ERBB4: variants seen among roughly 807,000 people sequenced by gnomAD.
ERBB4 encodes the protein receptor tyrosine-protein kinase erbB-4.
ERBB4 carries 42 observed loss-of-function variants against 158.0 expected under a neutral mutation model. The observed-to-expected ratio is 0.27, with a 90% CI of 0.21 to 0.34. ERBB4 has a LOEUF of 0.34. Ranked by LOEUF, ERBB4 falls within the 10% of genes least tolerant of loss-of-function variation. The probability of loss-of-function intolerance (pLI) is 1.00; values close to 1 mark genes in which losing one functional copy is unlikely to be tolerated. For synonymous variants in ERBB4, 583 were observed against 558.7 expected (o/e 1.04, Z -0.61); for missense variants, 1,333 against 1,624.1 (o/e 0.82, Z 3.08).
chr2:211,903,873 CACA>C (rs887030429), intron 3 of ERBB4, among the ~76,000 whole-genome samples: 2 of 151,456 alleles, frequency 1.3e-5, no homozygotes, highest in Non-Finnish European at 2.9e-5. Context: ...AGAAAAGAAA[CACA>C]ACTGCTGATA....
intron 1 of ERBB4, among the ~76,000 whole-genome samples, chr2:212,345,455 G>T (rs940478340): frequency 5.9e-5 from 9 of 151,996 alleles, no homozygotes; most frequent in Non-Finnish European, 1.0e-4. Context: ...AACAGATGGA[G>T]AGGTACTAGC....
intron 12 of ERBB4, among the ~76,000 whole-genome samples, chr2:211,701,079 T>C (rs1423545681): frequency 2.0e-5 from 3 of 152,128 alleles, no homozygotes; most frequent in African/African-American, 7.2e-5. Flanking sequence ...AAAAGCATTA[T>C]TTGCTTCAGA....
intron 1 of ERBB4, among the ~76,000 whole-genome samples, chr2:212,511,499 G>C (rs1296081910): frequency 6.6e-6 from 1 of 152,090 alleles, no homozygotes; most frequent in African/African-American, 2.4e-5. Flanking sequence ...TTGTACAACA[G>C]CTTGGTAATT....
chr2:212,031,764 A>G (rs551683271), intron 2 of ERBB4, among the ~76,000 whole-genome samples: 2 of 152,292 alleles, frequency 1.3e-5, no homozygotes, highest in South Asian at 4.1e-4. Context: ...TGTTCTTTAG[A>G]AAAATGATGG....
intron 1 of ERBB4, among the ~76,000 whole-genome samples, chr2:212,373,944 T>A (rs185883519): frequency 0.047 from 3,775 of 80,010 alleles, 405 homozygotes; most frequent in African/African-American, 0.093. Context: ...TATATCCATA[T>A]ATATATCATA....
At chr2:211,749,152 A>C (rs1186137718) in intron 5 of ERBB4, among the ~76,000 whole-genome samples, 2 of 152,190 alleles carry the variant, frequency 1.3e-5, no homozygotes, top group Non-Finnish European at 2.9e-5. Context: ...CTTCGTCCAA[A>C]GAATAGGGAG....
intron 1 of ERBB4, among the ~76,000 whole-genome samples, chr2:212,492,647 T>C (rs73989027): frequency 6.6e-6 from 1 of 151,568 alleles, no homozygotes; most frequent in African/African-American, 2.4e-5. Flanking sequence ...CTAATATGTT[T>C]CAACTATAAA....
intron 2 of ERBB4, among the ~76,000 whole-genome samples, chr2:212,036,948 T>C (rs1462459194): frequency 1.3e-5 from 2 of 152,158 alleles, no homozygotes; most frequent in Non-Finnish European, 2.9e-5. Context: ...ATAGCAGAAA[T>C]GCAGCTAGAT....
At chr2:212,256,418 G>A (rs1322918468) in intron 1 of ERBB4, among the ~76,000 whole-genome samples, 2 of 151,994 alleles carry the variant, frequency 1.3e-5, no homozygotes, top group Admixed American at 6.6e-5. Context: ...TAATGAGTTA[G>A]GTCAAAAGAA....
At chr2:211,967,179 A>T (rs2081331310) in intron 2 of ERBB4, among the ~76,000 whole-genome samples, 1 of 151,972 alleles carries the variant, frequency 6.6e-6, no homozygotes, top group Non-Finnish European at 1.5e-5. Flanking sequence ...AAAATAGAAT[A>T]CTCCATTCCC....
At chr2:211,989,450 C>G (rs1339859783) in intron 2 of ERBB4, among the ~76,000 whole-genome samples, 2 of 151,720 alleles carry the variant, frequency 1.3e-5, no homozygotes, top group Non-Finnish European at 2.9e-5. Flanking sequence ...TCCTATGTTT[C>G]AATAATTATA....
At chr2:212,242,981 C>T (rs748779712) in intron 1 of ERBB4, among the ~76,000 whole-genome samples, 4 of 152,108 alleles carry the variant, frequency 2.6e-5, no homozygotes, top group African/African-American at 4.8e-5. Flanking sequence ...AGCACCCTCC[C>T]CTTTTCCCCA....
At chr2:212,092,760 T>G (rs998633674) in intron 2 of ERBB4, among the ~76,000 whole-genome samples, 1 of 152,030 alleles carries the variant, frequency 6.6e-6, no homozygotes, top group African/African-American at 2.4e-5. Flanking sequence ...AAGTTGGAGT[T>G]GAACAATGAG....
chr2:212,453,462 A>G (rs183434462), intron 1 of ERBB4, among the ~76,000 whole-genome samples: 3 of 152,308 alleles, frequency 2.0e-5, no homozygotes, highest in African/African-American at 7.2e-5. Context: ...ATAACACATG[A>G]TCAACATTGC....
intron 1 of ERBB4, among the ~76,000 whole-genome samples, chr2:212,517,561 A>C (rs1267540822): frequency 2.6e-5 from 4 of 152,058 alleles, no homozygotes; most frequent in African/African-American, 9.7e-5. Flanking sequence ...TAGTCAGTTG[A>C]AACTCCCCCT....
intron 3 of ERBB4, among the ~76,000 whole-genome samples, chr2:211,846,564 C>G (rs189340675): frequency 2.0e-5 from 3 of 152,172 alleles, no homozygotes; most frequent in African/African-American, 7.2e-5. Context: ...TCAAACCAGT[C>G]TCTTCCTGAA....
chr2:212,015,097 TATATATATATATATA>T (rs2076494222), intron 2 of ERBB4, among the ~76,000 whole-genome samples: 1 of 71,368 alleles, frequency 1.4e-5, no homozygotes, highest in Non-Finnish European at 2.5e-5. Flanking sequence ...TATATATATA[TATATATATATATATA>T]AAAATTAGCC....
chr2:212,145,690 T>C (rs960464431), intron 1 of ERBB4, among the ~76,000 whole-genome samples: 1 of 136,456 alleles, frequency 7.3e-6, no homozygotes, highest in Admixed American at 8.2e-5. Flanking sequence ...GCCTTGGCTG[T>C]GCCCACTCAA....
At chr2:211,418,924 TG>T (rs1272831327) in intron 25 of ERBB4, among the ~76,000 whole-genome samples, 1 of 152,112 alleles carries the variant, frequency 6.6e-6, no homozygotes. Flanking sequence ...GTTTTCAGTT[TG>T]TACTATAATA....
Sources: gnomAD v4.1 joint callset for allele counts (sites outside exome capture counted in the v4.1 genomes callset) on GRCh38, gnomAD v4.1.1 for gene constraint, MANE v1.5 for transcripts, NCBI Gene and HGNC (gene_info 2026-07-23, HGNC 2026-07-21) for gene names.